Variants in RILPL1 observed in about 807,000 individuals in gnomAD.
RILPL1 encodes the protein RILP-like protein 1.
A neutral mutation model predicts 50.3 loss-of-function variants in RILPL1; 33 were observed. The observed-to-expected ratio is 0.66, with a 90% confidence interval of 0.50 to 0.88. RILPL1 has a LOEUF of 0.88. Among genes scored for constraint, RILPL1 ranks in the 40% least tolerant of loss-of-function variants. The pLI is 0.00. For synonymous variants in RILPL1, 205 were observed against 228.6 expected (o/e 0.90, Z 0.93); for missense variants, 418 against 542.5 (o/e 0.77, Z 2.28).
At chr12:123,521,605 A>G (rs1885027371) in intron 2 of RILPL1, among the ~76,000 whole-genome samples, 1 of 55,088 alleles carries the variant, frequency 1.8e-5, no homozygotes, top group African/African-American at 9.4e-5. Context: ...ATTAATATAT[A>G]TACACACATA....
chr12:123,533,268 T>C lies in RILPL1; in HGVS notation c.215A>G (p.His72Arg), dbSNP rs1231691705. The change falls in exon 1 of 7, where the codon CAC (histidine) becomes CGC (arginine). Residue 72 changes from histidine to arginine, a missense_variant. Transcript: ENST00000376874. The surrounding 1 kb of genome is among the most constrained non-coding windows in gnomAD (Gnocchi z 6.2). The stretch of plus-strand genomic sequence containing the variant: ...CAGCTCGTCCAGCTCGGGCGCGACG[T>C]GGTGGCGGCTGACCAGCACCTCCAG... The part of the protein sequence containing the change: ...EILEVLVSRH[H>R]VAPELDELRL... The C allele has an allele frequency of 1.3e-6, 2 of 1,588,308 alleles. No homozygotes were observed. The highest frequency in any genetic ancestry group is 1.7e-5 in the Admixed American group (1 of 57,876).
rs2292500 is a variant in RILPL1, at chr12:123,523,526, A to T, written c.429T>A (p.Asn143Lys). The T allele has an allele frequency of 2.3e-5, 37 of 1,613,880 alleles. No homozygotes were observed. The highest frequency in any genetic ancestry group is 3.0e-5 in the Non-Finnish European group (35 of 1,179,860). Residue 143 changes from asparagine (N) to lysine (K), a missense_variant, in exon 2 of 7, where the codon AAT becomes AAA. Asn to Lys is a moderately conservative substitution (Grantham distance 94, BLOSUM62 0). Transcript: ENST00000376874. The part of the protein sequence containing the change: ...LMTNLSHKDV[N>K]FSEEEFQKHE... ...GCTTCTGGAACTCCTCCTCTGAGAA[A>T]TTGACATCCTTGTGGGAGAGGTTGG...
chr12:123,481,496 G>C (rs1305699231), intron 6 of RILPL1, among the ~76,000 whole-genome samples: 1 of 152,130 alleles, frequency 6.6e-6, no homozygotes, highest in African/African-American at 2.4e-5. Context: ...ACAAGGCCTG[G>C]ATCCAGCTGA....
intron 2 of RILPL1, among the ~76,000 whole-genome samples, chr12:123,512,585 G>A (rs1884402275): frequency 7.0e-6 from 1 of 143,638 alleles, no homozygotes. Flanking sequence ...TGAGGTCTGT[G>A]TGTGGTGTGT....
Position 123,485,334 on chromosome 12 carries a change from A to AG in RILPL1, c.974+298dup. 1 of 497,238 alleles carries AG rather than the reference A, an allele frequency of 2.0e-6. No individual in the cohort carries two copies. Among genetic ancestry groups the AG allele is most frequent in the African/African-American group, 1.9e-5 (1 of 51,714 alleles). 30.8% of individuals were successfully genotyped at this position (497,238 alleles called of 1,614,324 possible). ...CATTCATTCATTCATTTAAAAAAAGAGATGAGGTCTCGCTTTGTTGCCCAG... is the reference window on the plus strand; with the variant it reads ...CATTCATTCATTCATTTAAAAAAAGAGGATGAGGTCTCGCTTTGTTGCCCAG... On this transcript the variant is annotated intron_variant, in intron 5 of 6. Transcript: ENST00000376874. This position sits in a 1 kb window ranked among gnomAD's most constrained non-coding sequence, Gnocchi z 4.0.
chr12:123,477,727 G>C (rs990704406), intron 6 of RILPL1, among the ~76,000 whole-genome samples: 8 of 152,030 alleles, frequency 5.3e-5, no homozygotes, highest in Non-Finnish European at 1.0e-4. Flanking sequence ...CCAGAGGCCA[G>C]ACTACCGGAC....
chr12:123,485,180 A>G lies in RILPL1; in HGVS notation c.974+453T>C, dbSNP rs1367397746. The G allele has an allele frequency of 1.7e-4, 76 of 456,578 alleles. No individual in the cohort carries two copies. The highest frequency in any genetic ancestry group is 4.0e-5 in the Non-Finnish European group (9 of 227,270). The allele number at this position is 456,578 out of a possible 1,614,324, so 28.3% of individuals were successfully genotyped here. A position where few individuals can be genotyped will look rare whatever the true frequency, so the allele number is the denominator to read the frequency against. On this transcript the variant is annotated intron_variant, in intron 5 of 6. Coordinates refer to ENST00000376874, the MANE Select transcript of RILPL1 (RefSeq NM_178314.5). This position sits in a 1 kb window ranked among gnomAD's most constrained non-coding sequence, Gnocchi z 4.0. Reference sequence around the variant, plus strand: ...GGGAACTTAGCCATGGACAAGATAAATAAGACTTCTGGTCTCATGTTGCTT... The same window carrying G: ...GGGAACTTAGCCATGGACAAGATAAGTAAGACTTCTGGTCTCATGTTGCTT...
intron 2 of RILPL1, among the ~76,000 whole-genome samples, chr12:123,521,552 TG>T: frequency 4.0e-5 from 2 of 49,704 alleles, no homozygotes; most frequent in South Asian, 6.9e-4. Context: ...TATATATGTG[TG>T]TATATATATT....
intron 4 of RILPL1, among the ~76,000 whole-genome samples, chr12:123,492,810 T>A (rs1026671451): frequency 6.6e-6 from 1 of 151,960 alleles, no homozygotes; most frequent in Admixed American, 6.6e-5. Flanking sequence ...CTGTGTCCAC[T>A]CAGGGTTAAA....
intron 1 of RILPL1, among the ~76,000 whole-genome samples, chr12:123,525,700 C>CA (rs1207503097): frequency 0.18 from 8,254 of 44,708 alleles, 765 homozygotes; most frequent in Non-Finnish European, 0.21. Context: ...GACACTGTCT[C>CA]AAAAAAAAAA....
At chr12:123,528,576 C>T (rs111547214) in intron 1 of RILPL1, among the ~76,000 whole-genome samples, 4,254 of 151,694 alleles carry the variant, frequency 0.028, 182 homozygotes, top group African/African-American at 0.094. Context: ...CACAGGCGCC[C>T]GCCACCACGC....
chr12:123,502,319 T>G (rs1156906921), intron 2 of RILPL1, among the ~76,000 whole-genome samples: 1 of 152,210 alleles, frequency 6.6e-6, no homozygotes, highest in East Asian at 1.9e-4. Context: ...CGGGCAGACG[T>G]CGTAGCAGAA....
chr12:123,483,115 G>A (rs1238145449), intron 6 of RILPL1, among the ~76,000 whole-genome samples: 1 of 152,206 alleles, frequency 6.6e-6, no homozygotes, highest in African/African-American at 2.4e-5. Context: ...AGTTTCTTGT[G>A]GGTTTTGGAG....
intron 3 of RILPL1, 41 bp downstream of exon 3, chr12:123,499,377 T>C: frequency 7.0e-7 from 1 of 1,431,598 alleles, no homozygotes; most frequent in Non-Finnish European, 9.9e-7. Flanking sequence ...TGGCACCTAC[T>C]GGCTGGGAGG....
chr12:123,510,264 C>G (rs574253809), intron 2 of RILPL1, among the ~76,000 whole-genome samples: 11 of 152,326 alleles, frequency 7.2e-5, no homozygotes, highest in African/African-American at 2.6e-4. Flanking sequence ...TCTCTATGCC[C>G]CAGGGACACT....
At position 123,489,188 on chromosome 12, in the gene RILPL1, CAG is replaced by C. The variant is rs1379201960; in HGVS notation, c.802-3385_802-3384del. Among the ~76,000 whole-genome samples, 2 of 152,152 alleles carry C rather than the reference CAG, an allele frequency of 1.3e-5. No individual in the cohort carries two copies. Among genetic ancestry groups the C allele is most frequent in the African/African-American group, 2.4e-5 (1 of 41,416 alleles). On this transcript the variant is annotated intron_variant, in intron 4 of 6. Coordinates refer to ENST00000376874, the MANE Select transcript of RILPL1 (RefSeq NM_178314.5). This position sits in a 1 kb window ranked among gnomAD's most constrained non-coding sequence, Gnocchi z 4.0. ...TGGCCGTGGAGCTCAGCCCTGGGAA[CAG>C]AGTCAGACAGATGGGGCTGAAGAGA... is the stretch of plus-strand genomic sequence containing the variant.
intron 6 of RILPL1, among the ~76,000 whole-genome samples, chr12:123,482,289 C>A (rs975483075): frequency 1.3e-5 from 2 of 152,122 alleles, no homozygotes; most frequent in Non-Finnish European, 2.9e-5. Context: ...TGGTGCCATG[C>A]GTCTTCCCTA....
chr12:123,521,604 T>A (rs1442278929), intron 2 of RILPL1, among the ~76,000 whole-genome samples: 7 of 54,118 alleles, frequency 1.3e-4, no homozygotes, highest in African/African-American at 5.6e-4. Context: ...TATTAATATA[T>A]ATACACACAT....
chr12:123,510,788 A>G (rs1444415130), intron 2 of RILPL1, among the ~76,000 whole-genome samples: 1 of 67,414 alleles, frequency 1.5e-5, no homozygotes, highest in Non-Finnish European at 2.8e-5. Context: ...TGTGTGGTAT[A>G]TGTGTGTGAT....
Sources: allele counts gnomAD v4.1 joint callset (sites outside exome capture counted in the v4.1 genomes callset), GRCh38; gene constraint gnomAD v4.1.1; non-coding constraint Gnocchi (gnomAD v3.1); transcripts MANE v1.5; gene names NCBI Gene and HGNC (gene_info 2026-07-23, HGNC 2026-07-21).